Variants in BCAR3 observed in about 807,000 individuals in gnomAD.
The protein encoded by BCAR3 is breast cancer anti-estrogen resistance protein 3.
Under a neutral mutation model 80.1 loss-of-function variants are expected in BCAR3, and 37 were observed. The ratio of observed to expected loss-of-function variants is 0.46; its 90% CI spans 0.36 to 0.61. The LOEUF (loss-of-function observed/expected upper bound fraction) is 0.61, where lower values mean the gene tolerates loss of function less well. BCAR3 is among the 20% of genes least tolerant of loss of function. The probability of loss-of-function intolerance (pLI) is 0.00; values close to 1 mark genes in which losing one functional copy is unlikely to be tolerated. For synonymous variants in BCAR3, 389 were observed against 418.9 expected (o/e 0.93, Z 0.87); for missense variants, 978 against 1,068.2 (o/e 0.92, Z 1.18).
In BCAR3 at chr1:93,567,371, C is replaced by G. The variant is rs1672995698; in HGVS notation, c.2207G>C (p.Ser736Thr). ...GTDMWEKNDQ[S>T]CEIMLNHLAT... The stretch of plus-strand genomic sequence containing the variant: ...CAAATGGTTCAGCATGATTTCACAG[C>G]TCTGGTCGTTTTTTTCCCACATGTC... Residue 736 changes from serine (S) to threonine (T), a missense_variant, in exon 11 of 12, where the codon AGC becomes ACC. Coordinates refer to ENST00000260502, the MANE Select transcript of BCAR3 (RefSeq NM_003567.4). The G allele has an allele frequency of 1.2e-6, 2 of 1,614,232 alleles. No individual in the cohort carries two copies. Among genetic ancestry groups the G allele is most frequent in the Non-Finnish European group, 8.5e-7 (1 of 1,180,052 alleles).
chr1:93,755,420 G>A (rs1651709014), intron 2 of BCAR3, among the ~76,000 whole-genome samples: 2 of 152,176 alleles, frequency 1.3e-5, no homozygotes, highest in Non-Finnish European at 2.9e-5. Flanking sequence ...TTCATGGTAA[G>A]TGCCCTATAC....
chr1:93,612,453 C>T (rs1475467662), intron 3 of BCAR3, among the ~76,000 whole-genome samples: 2 of 152,144 alleles, frequency 1.3e-5, no homozygotes, highest in African/African-American at 4.8e-5. Context: ...GCCGTAACTG[C>T]AGACCAACAG....
intron 3 of BCAR3, chr1:93,600,699 C>T (rs1570956071): frequency 1.3e-5 from 2 of 152,322 alleles, no homozygotes; most frequent in South Asian, 4.2e-4. Context: ...AACAAAACAT[C>T]CCTCATGTCC....
chr1:93,768,460 C>A (rs1281148049), intron 2 of BCAR3, among the ~76,000 whole-genome samples: 1 of 152,122 alleles, frequency 6.6e-6, no homozygotes, highest in Non-Finnish European at 1.5e-5. Flanking sequence ...AGGCACTAGC[C>A]GCTCAGCTGA....
intron 6 of BCAR3, among the ~76,000 whole-genome samples, chr1:93,583,590 G>A (rs1673815842): frequency 6.6e-6 from 1 of 152,160 alleles, no homozygotes; most frequent in Non-Finnish European, 1.5e-5. Flanking sequence ...GGAGAGGAAG[G>A]GGAGTTGGCC....
At chr1:93,800,022 T>G (rs564407161) in intron 2 of BCAR3, among the ~76,000 whole-genome samples, 1 of 152,340 alleles carries the variant, frequency 6.6e-6, no homozygotes, top group East Asian at 1.9e-4. Flanking sequence ...TGTATAAACC[T>G]CCATTCCTTC....
At chr1:93,840,309 T>C (rs12141697) in intron 2 of BCAR3, among the ~76,000 whole-genome samples, 19,593 of 152,212 alleles carry the variant, frequency 0.13, 1,903 homozygotes, top group African/African-American at 0.26. Flanking sequence ...CCCTGTGGTT[T>C]GCCTTCCCAT....
rs1348883155 is a variant in BCAR3 at position 93,586,152 on chromosome 1, AT to A, written c.930-2032del. On this transcript the variant is annotated intron_variant, in intron 5 of 11. Coordinates refer to ENST00000260502, the MANE Select transcript of BCAR3 (RefSeq NM_003567.4). The surrounding 1 kb of genome is among the most constrained non-coding windows in gnomAD (Gnocchi z 4.2). ...AATAAGTCTTATTCATTCTTTCTAA[AT>A]TTTTTGTACCCATTAACCATCCCCA... Among the ~76,000 whole-genome samples, 1 of 152,016 alleles carries A rather than the reference AT, an allele frequency of 6.6e-6. No homozygotes were observed. Among genetic ancestry groups the A allele is most frequent in the African/African-American group, 2.4e-5 (1 of 41,476 alleles).
intron 2 of BCAR3, among the ~76,000 whole-genome samples, chr1:93,744,985 C>A (rs578167178): frequency 6.6e-6 from 1 of 152,340 alleles, no homozygotes; most frequent in South Asian, 2.1e-4. Flanking sequence ...TTAATTACCT[C>A]CAGGGAACCA....
At chr1:93,660,771 A>G (rs1264112525) in intron 2 of BCAR3, among the ~76,000 whole-genome samples, 1 of 152,264 alleles carries the variant, frequency 6.6e-6, no homozygotes, top group African/African-American at 2.4e-5. Flanking sequence ...CCAGAGTGCA[A>G]TGGCACGATC....
chr1:93,720,885 T>TCCA (rs1650370469), intron 2 of BCAR3, among the ~76,000 whole-genome samples: 1 of 151,496 alleles, frequency 6.6e-6, no homozygotes, highest in South Asian at 2.1e-4. Context: ...TCCCAGGCCC[T>TCCA]GCGCTCTCAT....
Position 93,796,763 on chromosome 1 carries a change from A to T in BCAR3, c.-63+48804T>A, listed in dbSNP as rs571722561. Among the ~76,000 whole-genome samples the T allele has an allele frequency of 9.8e-5, 15 of 152,382 alleles. No homozygotes were observed. In the South Asian group the frequency reaches 1.2e-3, roughly 13 times the overall value. On this transcript the variant is annotated intron_variant, in intron 2 of 13. Coordinates refer to the BCAR3 transcript ENST00000370244. ...ATTATTTTGAATAGGGGTAAAAATT[A>T]GGAACCATGTTTCCATGATTTCAGG...
chr1:93,615,331 A>T (rs1273689990), intron 3 of BCAR3, among the ~76,000 whole-genome samples: 1 of 152,154 alleles, frequency 6.6e-6, no homozygotes, highest in Admixed American at 6.5e-5. Context: ...GGGCCCAGTG[A>T]GCAGGTATGG....
chr1:93,613,511 A>G (rs994497462), intron 3 of BCAR3, among the ~76,000 whole-genome samples: 8 of 152,220 alleles, frequency 5.3e-5, no homozygotes, highest in African/African-American at 1.9e-4. Context: ...TGTGTTCGTT[A>G]GAAATGAAGG....
Position 93,711,722 on chromosome 1 carries a change from G to A in BCAR3, c.-62-5580C>T, listed in dbSNP as rs182418587. ...ACATAGTAGAGACTCAATAAGCAAAGTATTTCTTACAGGGATGAGTTTGAA... is the reference window on the plus strand; with the variant it reads ...ACATAGTAGAGACTCAATAAGCAAAATATTTCTTACAGGGATGAGTTTGAA... On this transcript the variant is annotated intron_variant, in intron 2 of 13. Coordinates refer to the BCAR3 transcript ENST00000370244. Among the ~76,000 whole-genome samples, 251 of 152,308 alleles carry A rather than the reference G, an allele frequency of 1.6e-3. 1 individual carries two copies. Among genetic ancestry groups the A allele is most frequent in the African/African-American group, 5.7e-3 (235 of 41,568 alleles).
intron 2 of BCAR3, among the ~76,000 whole-genome samples, chr1:93,755,268 G>A (rs984333241): frequency 6.6e-6 from 1 of 152,070 alleles, no homozygotes; most frequent in African/African-American, 2.4e-5. Context: ...GAAAAATAAA[G>A]TTTTAAAATA....
At chr1:93,591,852 C>G (rs1674213330) in intron 4 of BCAR3, among the ~76,000 whole-genome samples, 1 of 152,184 alleles carries the variant, frequency 6.6e-6, no homozygotes, top group Non-Finnish European at 1.5e-5. Context: ...GCCACCTGCC[C>G]TCTCTCCTCC....
rs1653959247 is a variant in BCAR3 at position 93,814,727 on chromosome 1, C to T, written c.-63+30840G>A. On this transcript the variant is annotated intron_variant, in intron 2 of 13. Transcript: ENST00000370244. ...TTACAGCCACACAGCTGCTCCCAGG[C>T]TGATGATGCCCCTGTGAGACTGAAC... Among the ~76,000 whole-genome samples the T allele has an allele frequency of 1.3e-5, 2 of 152,224 alleles. 1 individual carries two copies. The highest frequency in any genetic ancestry group is 4.1e-4 in the South Asian group (2 of 4,826).
At chr1:93,649,476 G>A (rs1676254757) in intron 2 of BCAR3, among the ~76,000 whole-genome samples, 1 of 151,944 alleles carries the variant, frequency 6.6e-6, no homozygotes, top group Non-Finnish European at 1.5e-5. Flanking sequence ...AGGAAGTGTG[G>A]TGAGTGTTCA....
Sources: allele counts gnomAD v4.1 joint callset (sites outside exome capture counted in the v4.1 genomes callset), GRCh38; gene constraint gnomAD v4.1.1; non-coding constraint Gnocchi (gnomAD v3.1); transcripts MANE v1.5; gene names NCBI Gene and HGNC (gene_info 2026-07-23, HGNC 2026-07-21).